The following UQCC5 variants were observed in gnomAD, a reference collection of about 807,000 sequenced individuals.
UQCC5 encodes the protein UPF0640 protein C3orf78.
the UQCC5 span, chr3:52,541,163 GA>G: frequency 1.3e-5 from 2 of 152,202 alleles, no homozygotes; most frequent in Non-Finnish European, 2.9e-5. Flanking sequence ...CCTTCCATGA[GA>G]AAGTGAACCT....
At chr3:52,536,854 AG>A in the UQCC5 span, 1 of 1,551,576 alleles carries the variant, frequency 6.4e-7, no homozygotes, top group Non-Finnish European at 8.7e-7. Context: ...TTGTCCTGGG[AG>A]GAACGATGGA....
At chr3:52,541,307 A>G in the UQCC5 span, 2 of 152,208 alleles carry the variant, frequency 1.3e-5, no homozygotes, top group African/African-American at 2.4e-5. Flanking sequence ...TTGCATAGCC[A>G]CATCTAACAT....
At chr3:52,539,930 C>T in the UQCC5 span, among the ~76,000 whole-genome samples, 2 of 152,194 alleles carry the variant, frequency 1.3e-5, no homozygotes, top group African/African-American at 2.4e-5. Context: ...AGCCACTGTG[C>T]CCGGCCTGGA....
chr3:52,539,637 GATT>G, the UQCC5 span, among the ~76,000 whole-genome samples: 1 of 126,200 alleles, frequency 7.9e-6, no homozygotes, highest in Admixed American at 9.0e-5. Context: ...GAAGGAAGAA[GATT>G]TTTTTTTTTT....
At chr3:52,540,567 T>C in the UQCC5 span, 3 of 1,014,712 alleles carry the variant, frequency 3.0e-6, no homozygotes, top group Non-Finnish European at 4.3e-6. Context: ...TTTTCAGATC[T>C]CTTGTTCTGA....
the UQCC5 span, among the ~76,000 whole-genome samples, chr3:52,538,544 C>T: frequency 6.6e-6 from 1 of 152,228 alleles, no homozygotes; most frequent in Non-Finnish European, 1.5e-5. Context: ...TCACCGCAAC[C>T]TCTGCCTCCC....
At chr3:52,541,716 T>C in the UQCC5 span, 2 of 152,232 alleles carry the variant, frequency 1.3e-5, no homozygotes, top group African/African-American at 4.8e-5. Context: ...TGATAAACCA[T>C]TTTTAGTGAC....
the UQCC5 span, chr3:52,541,275 A>T: frequency 1.3e-5 from 2 of 152,324 alleles, no homozygotes; most frequent in South Asian, 2.1e-4. Context: ...GCCTGGTAGA[A>T]AAAGCAGATA....
chr3:52,536,650 C>T, the UQCC5 span: 2 of 1,499,240 alleles, frequency 1.3e-6, no homozygotes, highest in Non-Finnish European at 1.8e-6. Flanking sequence ...GCTCGCTAGT[C>T]TCCCAGGTCG....
chr3:52,536,991 T>C, the UQCC5 span: 3 of 1,500,070 alleles, frequency 2.0e-6, no homozygotes, highest in East Asian at 2.5e-5. Flanking sequence ...TATTCTCAGA[T>C]TGCAGACCGC....
the UQCC5 span, among the ~76,000 whole-genome samples, chr3:52,538,284 T>C: frequency 6.6e-6 from 1 of 152,154 alleles, no homozygotes; most frequent in Non-Finnish European, 1.5e-5. Flanking sequence ...CAGGGGGTAG[T>C]GCATTTCCTG....
At chr3:52,540,288 A>AT in the UQCC5 span, 1 of 639,200 alleles carries the variant, frequency 1.6e-6, no homozygotes, top group Non-Finnish European at 2.6e-6. Flanking sequence ...TTTTAAGTTT[A>AT]TTTTGGCATT....
the UQCC5 span, chr3:52,541,212 A>G: frequency 7.9e-5 from 12 of 152,324 alleles, no homozygotes; most frequent in African/African-American, 2.9e-4. Context: ...GCTAAATCAG[A>G]GGCTCAGTCT....
the UQCC5 span, among the ~76,000 whole-genome samples, chr3:52,538,179 A>G: frequency 6.6e-6 from 1 of 152,178 alleles, no homozygotes; most frequent in Non-Finnish European, 1.5e-5. Flanking sequence ...GAAGGGATGG[A>G]AGTAAAAGAC....
the UQCC5 span, chr3:52,536,733 C>T: frequency 4.5e-6 from 7 of 1,551,504 alleles, no homozygotes; most frequent in Admixed American, 9.8e-5. Context: ...CCGTCATATC[C>T]CTCTCCACGA....
the UQCC5 span, chr3:52,541,283 A>G: frequency 6.6e-6 from 1 of 152,182 alleles, no homozygotes; most frequent in African/African-American, 2.4e-5. Flanking sequence ...GAAAAAGCAG[A>G]TACCTTTCCA....
chr3:52,539,638 ATTTT>A, the UQCC5 span, among the ~76,000 whole-genome samples: 1 of 139,732 alleles, frequency 7.2e-6, no homozygotes, highest in Non-Finnish European at 1.6e-5. Flanking sequence ...AAGGAAGAAG[ATTTT>A]TTTTTTTTTT....
chr3:52,539,468 C>A, the UQCC5 span, among the ~76,000 whole-genome samples: 1 of 152,064 alleles, frequency 6.6e-6, no homozygotes, highest in African/African-American at 2.4e-5. Context: ...GTGAAGGGTA[C>A]TGGAGCTTCA....
the UQCC5 span, among the ~76,000 whole-genome samples, chr3:52,539,316 C>T: frequency 6.6e-6 from 1 of 152,130 alleles, no homozygotes; most frequent in East Asian, 1.9e-4. Context: ...GAACAAGAAG[C>T]GGCTGAGCGG....
Sources: allele counts gnomAD v4.1 joint callset (sites outside exome capture counted in the v4.1 genomes callset), GRCh38; gene constraint gnomAD v4.1.1; transcripts MANE v1.5; gene names NCBI Gene and HGNC (gene_info 2026-07-23, HGNC 2026-07-21).